Variants in SLC4A10 observed in about 807,000 individuals in gnomAD.
The protein encoded by SLC4A10 is solute carrier family 4 member 10, also known as sodium-driven chloride bicarbonate exchanger.
A neutral mutation model predicts 137.7 loss-of-function variants in SLC4A10; 42 were observed. The ratio of observed to expected loss-of-function variants is 0.30; its 90% confidence interval spans 0.24 to 0.39. The LOEUF (loss-of-function observed/expected upper bound fraction) is 0.39. Among genes scored for constraint, SLC4A10 ranks in the 10% least tolerant of loss-of-function variants. The pLI, the probability that SLC4A10 is intolerant of heterozygous loss-of-function variation, is 1.00. For missense variants in SLC4A10, 925 were observed against 1,355.0 expected, an observed-to-expected ratio of 0.68 and a Z score of 4.98; for synonymous variants, 474 against 464.1, an observed-to-expected ratio of 1.02 and a Z score of -0.27.
chr2:161,809,537 T>G (rs2056338211), intron 3 of SLC4A10, among the ~76,000 whole-genome samples: 1 of 152,144 alleles, frequency 6.6e-6, no homozygotes, highest in African/African-American at 2.4e-5. Context: ...TAATCCAACT[T>G]GAGTTAATTT....
In SLC4A10 at chr2:161,818,488, G is replaced by T. The variant is rs531699701; in HGVS notation, c.277+13893G>T. Among the ~76,000 whole-genome samples, 12 of 152,252 alleles carry T rather than the reference G, an allele frequency of 7.9e-5. No individual in the cohort carries two copies. The South Asian group carries it at 2.5e-3, about 32-fold the overall frequency. On this transcript the variant is annotated intron_variant, in intron 3 of 26. Coordinates refer to ENST00000446997, the MANE Select transcript of SLC4A10 (RefSeq NM_001178015.2). ...CTTTATTTCCTTCTCCTGCCTGATT[G>T]CTCTGGCCAGAACTTCCAACACTAT...
intron 1 of SLC4A10, among the ~76,000 whole-genome samples, chr2:161,690,323 AG>A (rs1245991683): frequency 1.3e-5 from 2 of 152,164 alleles, no homozygotes; most frequent in Non-Finnish European, 2.9e-5. Context: ...GTGGAGAAAT[AG>A]GAACGCTTTT....
chr2:161,873,974 A>G lies in SLC4A10; in HGVS notation c.917A>G (p.Glu306Gly). The G allele has an allele frequency of 6.3e-7, 1 of 1,593,596 alleles. No homozygotes were observed. Among genetic ancestry groups the G allele is most frequent in the Non-Finnish European group, 8.5e-7 (1 of 1,177,386 alleles). ...CCATGTGGGATGAAACAAAGGCATGAAAAAGGACCTCCACACCAGCAAGAG... is the reference window on the plus strand; with the variant it reads ...CCATGTGGGATGAAACAAAGGCATGGAAAAGGACCTCCACACCAGCAAGAG... ...TSPCGMKQRH[E>G]KGPPHQQERE... is the part of the protein sequence containing the mutation. The change falls in exon 8 of 27, where the codon GAA becomes GGA. Residue 306 changes from glutamate to glycine, a missense_variant. By Grantham distance (98) the Glu-to-Gly change is moderately conservative. This residue lies in a region of SLC4A10 where 277 missense variants were observed against 306.1 expected (regional missense o/e 0.90). Coordinates refer to ENST00000446997, the MANE Select transcript of SLC4A10 (RefSeq NM_001178015.2).
chr2:161,702,978 T>C (rs1272120379), intron 1 of SLC4A10, among the ~76,000 whole-genome samples: 1 of 151,798 alleles, frequency 6.6e-6, no homozygotes, highest in Admixed American at 6.6e-5. Flanking sequence ...CCTTTTCCAT[T>C]TTCATATTAA....
chr2:161,655,184 T>C (rs1381746350), intron 1 of SLC4A10, among the ~76,000 whole-genome samples: 1 of 152,202 alleles, frequency 6.6e-6, no homozygotes, highest in Non-Finnish European at 1.5e-5. Flanking sequence ...AGCTAATTGT[T>C]AGTATAAATA....
At chr2:161,724,442 C>T (rs907390417) in intron 1 of SLC4A10, among the ~76,000 whole-genome samples, 3 of 152,170 alleles carry the variant, frequency 2.0e-5, no homozygotes, top group African/African-American at 7.2e-5. Flanking sequence ...TGTTTATTCA[C>T]CACTTATTCA....
intron 1 of SLC4A10, among the ~76,000 whole-genome samples, chr2:161,657,641 A>G (rs2037732174): frequency 6.6e-6 from 1 of 152,064 alleles, no homozygotes; most frequent in South Asian, 2.1e-4. Context: ...TGATACAATG[A>G]TGGGTCTTTA....
chr2:161,830,037 G>T (rs1054635614), intron 3 of SLC4A10, among the ~76,000 whole-genome samples: 1 of 151,760 alleles, frequency 6.6e-6, no homozygotes, highest in Non-Finnish European at 1.5e-5. Flanking sequence ...ATGAGATTTG[G>T]GTGAGGACAC....
chr2:161,624,560 G>T lies in SLC4A10; in HGVS notation c.42G>T (p.Leu14=). The change falls in exon 1 of 27, where the codon CTG becomes CTT. Residue 14 remains leucine, a synonymous_variant. Coordinates refer to ENST00000446997, the MANE Select transcript of SLC4A10 (RefSeq NM_001178015.2). ...AGGGAGCCCAAATGGAGCCGCTGCT[G>T]CCTACGGTAAGAGACAACCTGCTAT... is the stretch of plus-strand genomic sequence containing the variant. ...KDQGAQMEPL[L]PTRNDEEAVV... The T allele has an allele frequency of 6.4e-7, 1 of 1,553,192 alleles. No homozygotes were observed. Among genetic ancestry groups the T allele is most frequent in the Non-Finnish European group, 8.7e-7 (1 of 1,147,926 alleles).
At position 161,855,070 on chromosome 2, in the gene SLC4A10, T is replaced by A; in HGVS notation, c.517T>A (p.Cys173Ser). 1.2e-6 allele frequency: 2 copies of A among 1,613,532 alleles called. No individual in the cohort carries two copies. The highest frequency in any genetic ancestry group is 2.2e-5 in the East Asian group (1 of 44,824). Residue 173 changes from cysteine to serine, a missense_variant, in exon 5 of 27, where the codon TGT (cysteine) becomes AGT (serine). Coordinates refer to ENST00000446997, the MANE Select transcript of SLC4A10 (RefSeq NM_001178015.2). The part of the protein sequence containing the change: ...SLHSLFELRS[C>S]ILNGTVLLDM... ...GCACAGCTTGTTTGAATTGAGAAGTTGTATTCTGAATGGAACTGTGTTGCT... is the reference window on the plus strand; with the variant it reads ...GCACAGCTTGTTTGAATTGAGAAGTAGTATTCTGAATGGAACTGTGTTGCT...
At chr2:161,703,866 A>G (rs1338735684) in intron 1 of SLC4A10, among the ~76,000 whole-genome samples, 3 of 151,704 alleles carry the variant, frequency 2.0e-5, no homozygotes, top group Non-Finnish European at 4.4e-5. Context: ...GCACCCTACA[A>G]CATCTGCCTC....
At chr2:161,656,723 T>C (rs2037584917) in intron 1 of SLC4A10, among the ~76,000 whole-genome samples, 1 of 152,282 alleles carries the variant, frequency 6.6e-6, no homozygotes, top group African/African-American at 2.4e-5. Flanking sequence ...TTGACTAGCA[T>C]TCAAGCCAAT....
chr2:161,791,734 C>G (rs2054236908), intron 2 of SLC4A10, among the ~76,000 whole-genome samples: 2 of 152,246 alleles, frequency 1.3e-5, no homozygotes, highest in South Asian at 4.2e-4. Flanking sequence ...GTATGTGACT[C>G]ACATCAATTC....
chr2:161,636,821 G>T (rs1047854305), intron 1 of SLC4A10, among the ~76,000 whole-genome samples: 6 of 151,750 alleles, frequency 4.0e-5, no homozygotes, highest in Non-Finnish European at 8.8e-5. Context: ...TCTTGAGTAG[G>T]CAGGACTACA....
Position 161,863,051 on chromosome 2 carries a change from T to A in SLC4A10, c.755T>A (p.Met252Lys). 6.2e-7 allele frequency: 1 copy of A among 1,613,694 alleles called. No homozygotes were observed. The highest frequency in any genetic ancestry group is 8.5e-7 in the Non-Finnish European group (1 of 1,179,690). ...AAGAAACAGTCAGAACCAAATTCCATGGACAAAAATGGTAAATGTTTATTT... is the reference window on the plus strand; with the variant it reads ...AAGAAACAGTCAGAACCAAATTCCAAGGACAAAAATGGTAAATGTTTATTT... ...IGKKQSEPNS[M>K]DKNAGQVVSP... is the part of the protein sequence containing the mutation. The change falls in exon 6 of 27, where the codon ATG becomes AAG. Residue 252 changes from methionine (M) to lysine (K), a missense_variant. Physicochemically the swap from Met to Lys is moderately conservative, Grantham distance 95. Around this residue, in one of 11 missense-constraint regions of SLC4A10, gnomAD observed 277 missense variants for 306.1 expected, o/e 0.90. Transcript: ENST00000446997.
chr2:161,900,829 A>G (rs1194567582), intron 11 of SLC4A10, 82 bp from the exon 12 acceptor site: 1 of 1,015,382 alleles, frequency 9.8e-7, no homozygotes, highest in African/African-American at 1.6e-5. Context: ...TGCTTCAAGG[A>G]AAAATGAACT....
intron 1 of SLC4A10, among the ~76,000 whole-genome samples, chr2:161,703,579 AAGTT>A (rs1454900060): frequency 6.6e-6 from 1 of 151,686 alleles, no homozygotes; most frequent in South Asian, 2.1e-4. Flanking sequence ...CTGGTACAAA[AAGTT>A]AGTCAAATAC....
intron 1 of SLC4A10, among the ~76,000 whole-genome samples, chr2:161,762,224 TATC>T (rs1378190895): frequency 6.6e-6 from 1 of 152,156 alleles, no homozygotes; most frequent in Non-Finnish European, 1.5e-5. Flanking sequence ...TAACTTGTAT[TATC>T]ATGAGATGGT....
chr2:161,713,789 A>G (rs1482439114), intron 1 of SLC4A10, among the ~76,000 whole-genome samples: 1 of 151,798 alleles, frequency 6.6e-6, no homozygotes, highest in Non-Finnish European at 1.5e-5. Flanking sequence ...AAAGTAAACC[A>G]TGTTTGCAAA....
Sources: gnomAD v4.1 joint callset for allele counts (sites outside exome capture counted in the v4.1 genomes callset) on GRCh38, gnomAD v4.1.1 for gene constraint, gnomAD v4.1.1 regional missense constraint, MANE v1.5 for transcripts, NCBI Gene and HGNC (gene_info 2026-07-23, HGNC 2026-07-21) for gene names.